NCAM1: variants seen among roughly 807,000 people sequenced by gnomAD.
NCAM1 encodes the protein neural cell adhesion molecule 1.
In NCAM1, 14 loss-of-function variants were observed where a neutral mutation model predicts 109.8. That is an observed-to-expected ratio of 0.13 (90% CI 0.08 to 0.20). The LOEUF is 0.20. Among genes scored for constraint, NCAM1 ranks in the 10% least tolerant of loss-of-function variants. NCAM1 has a pLI of 1.00. For synonymous variants in NCAM1, 418 were observed against 442.9 expected (o/e 0.94, Z 0.70); for missense variants, 774 against 1,109.9 (o/e 0.70, Z 4.30).
At chr11:113,268,811 G>A (rs1946199862) in intron 17 of NCAM1, among the ~76,000 whole-genome samples, 1 of 152,164 alleles carries the variant, frequency 6.6e-6, no homozygotes, top group South Asian at 2.1e-4. Flanking sequence ...GCTGAGCCTG[G>A]CCTGGTGCTT....
At chr11:113,174,068 G>T (rs1052636198) in intron 1 of NCAM1, among the ~76,000 whole-genome samples, 27 of 152,166 alleles carry the variant, frequency 1.8e-4, no homozygotes, top group Non-Finnish European at 3.4e-4. Context: ...GCTTTAACTA[G>T]ACAATAGATT....
intron 1 of NCAM1, among the ~76,000 whole-genome samples, 175 bp downstream of exon 1, chr11:112,961,839 T>C (rs1555063167): frequency 6.6e-6 from 1 of 152,038 alleles, no homozygotes. Context: ...CCCCGCTCCC[T>C]CCAGGGCTGC....
chr11:113,067,035 C>T (rs1937998342), intron 1 of NCAM1, among the ~76,000 whole-genome samples: 1 of 150,742 alleles, frequency 6.6e-6, no homozygotes, highest in Non-Finnish European at 1.5e-5. Flanking sequence ...ATTAGATTGC[C>T]AGAACACAAT....
chr11:113,253,449 T>C (rs569700751), intron 15 of NCAM1, among the ~76,000 whole-genome samples: 99 of 151,444 alleles, frequency 6.5e-4, no homozygotes, highest in Non-Finnish European at 1.2e-3. Flanking sequence ...TGGCTGTCAC[T>C]GTTTCACATG....
rs530829623 is a variant in NCAM1 at position 113,274,134 on chromosome 11, T to C, written c.2457-1133T>C. Reference sequence around the variant, plus strand: ...GTTATTCAGTGCCAGGCTGAGTCCCTACCAGAAAGGCACTGATGTGCAGGA... The same window carrying C: ...GTTATTCAGTGCCAGGCTGAGTCCCCACCAGAAAGGCACTGATGTGCAGGA... On this transcript the variant is annotated intron_variant, in intron 19 of 19. Coordinates refer to ENST00000316851, the MANE Select transcript of NCAM1 (RefSeq NM_181351.5). The surrounding 1 kb of genome is among the most constrained non-coding windows in gnomAD (Gnocchi z 4.1). Among the ~76,000 whole-genome samples the C allele has an allele frequency of 1.2e-4, 19 of 152,264 alleles. No homozygotes were observed. Among genetic ancestry groups the C allele is most frequent in the African/African-American group, 4.1e-4 (17 of 41,562 alleles).
Position 113,235,159 on chromosome 11 carries a change from C to T in NCAM1, c.1820C>T (p.Pro607Leu), listed in dbSNP as rs782262239. The change falls in exon 14 of 20, where the codon CCA becomes CTA. Residue 607 changes from proline (P) to leucine (L), a missense_variant. Coordinates refer to ENST00000316851, the MANE Select transcript of NCAM1 (RefSeq NM_181351.5). ...ISAASEFKTQ[P>L]VQGEPSAPKL... Reference sequence around the variant, plus strand: ...GCGGCCTCCGAGTTCAAGACGCAGCCAGTCCGTAAGTAAAGCCAGCTGCCC... The same window carrying T: ...GCGGCCTCCGAGTTCAAGACGCAGCTAGTCCGTAAGTAAAGCCAGCTGCCC... The T allele has an allele frequency of 6.2e-7, 1 of 1,613,970 alleles. No individual in the cohort carries two copies. Among genetic ancestry groups the T allele is most frequent in the Middle Eastern group, 1.6e-4 (1 of 6,062 alleles).
At chr11:113,115,492 A>G (rs1372231791) in intron 1 of NCAM1, among the ~76,000 whole-genome samples, 2 of 152,154 alleles carry the variant, frequency 1.3e-5, no homozygotes, top group African/African-American at 2.4e-5. Flanking sequence ...GAAAGAAAAT[A>G]CCCTACCCTC....
chr11:113,163,216 A>C (rs1377056813), intron 1 of NCAM1, among the ~76,000 whole-genome samples: 1 of 152,174 alleles, frequency 6.6e-6, no homozygotes, highest in African/African-American at 2.4e-5. Context: ...AATTGGAGTC[A>C]GGGTTGTAAT....
In NCAM1 at chr11:113,204,419, C is replaced by A. The variant is rs1944172679; in HGVS notation, c.261C>A (p.Asn87Lys). The A allele has an allele frequency of 6.2e-7, 1 of 1,613,900 alleles. No individual in the cohort carries two copies. Among genetic ancestry groups the A allele is most frequent in the Admixed American group, 1.7e-5 (1 of 60,016 alleles). The change falls in exon 3 of 20, where the codon AAC becomes AAA. Residue 87 changes from asparagine to lysine, a missense_variant. Around this residue, in one of 4 missense-constraint regions of NCAM1, gnomAD observed 112 missense variants for 142.0 expected, o/e 0.79. Coordinates refer to ENST00000316851, the MANE Select transcript of NCAM1 (RefSeq NM_181351.5). ...SSSTLTIYNA[N>K]IDDAGIYKCV... ...CCACCCTCACCATCTATAACGCCAACATCGACGACGCCGGCATTTACAAGT... is the reference window on the plus strand; with the variant it reads ...CCACCCTCACCATCTATAACGCCAAAATCGACGACGCCGGCATTTACAAGT...
chr11:113,256,412 A>C (rs534322631), intron 16 of NCAM1, among the ~76,000 whole-genome samples: 8 of 152,352 alleles, frequency 5.3e-5, no homozygotes, highest in African/African-American at 1.9e-4. Flanking sequence ...TTTTCTCTGC[A>C]CAAGAACCCT....
intron 1 of NCAM1, among the ~76,000 whole-genome samples, chr11:113,194,822 C>T (rs573150075): frequency 1.3e-5 from 2 of 152,174 alleles, no homozygotes; most frequent in Admixed American, 6.5e-5. Flanking sequence ...GGGCCTGTGG[C>T]GACTTTAGAC....
intron 1 of NCAM1, among the ~76,000 whole-genome samples, chr11:113,072,832 T>TC (rs1243883952): frequency 4.6e-5 from 7 of 151,764 alleles, no homozygotes; most frequent in African/African-American, 1.7e-4. Flanking sequence ...TATTTTTTTT[T>TC]TCATTTTTTT....
intron 1 of NCAM1, among the ~76,000 whole-genome samples, chr11:113,064,365 A>G (rs1937839226): frequency 6.6e-6 from 1 of 152,252 alleles, no homozygotes; most frequent in Non-Finnish European, 1.5e-5. Flanking sequence ...TCAAGAGGAC[A>G]TACTTGGGGT....
chr11:113,110,651 G>C (rs1364270789), intron 1 of NCAM1, among the ~76,000 whole-genome samples: 4 of 152,112 alleles, frequency 2.6e-5, no homozygotes. Flanking sequence ...TATTCCCAAG[G>C]TAATGATTTC....
chr11:113,061,635 C>T (rs1591292761), intron 1 of NCAM1, among the ~76,000 whole-genome samples: 1 of 152,224 alleles, frequency 6.6e-6, no homozygotes, highest in East Asian at 1.9e-4. Flanking sequence ...GGTTGGCTCG[C>T]ACATGGGACA....
At chr11:113,088,957 A>G (rs944535025) in intron 1 of NCAM1, among the ~76,000 whole-genome samples, 15 of 152,202 alleles carry the variant, frequency 9.9e-5, no homozygotes, top group African/African-American at 3.6e-4. Context: ...AAAATTAGCA[A>G]AGCAGTTGAG....
At chr11:112,966,777 G>T (rs1950738763) in intron 1 of NCAM1, among the ~76,000 whole-genome samples, 1 of 152,212 alleles carries the variant, frequency 6.6e-6, no homozygotes, top group Non-Finnish European at 1.5e-5. Flanking sequence ...GGCCTTTCAG[G>T]CAGTTTCAAT....
chr11:113,168,392 G>T (rs371771095), intron 1 of NCAM1, among the ~76,000 whole-genome samples: 213 of 152,298 alleles, frequency 1.4e-3, no homozygotes, highest in African/African-American at 5.0e-3. Context: ...ATGCTAGATG[G>T]TCGATGTCTG....
intron 1 of NCAM1, among the ~76,000 whole-genome samples, chr11:113,030,077 C>T (rs12365502): frequency 1.3e-5 from 2 of 152,000 alleles, no homozygotes; most frequent in African/African-American, 2.4e-5. Flanking sequence ...AAAAAGGGAG[C>T]ACCAGAAGCT....
Sources: allele counts gnomAD v4.1 joint callset (sites outside exome capture counted in the v4.1 genomes callset), GRCh38; gene constraint gnomAD v4.1.1; regional missense constraint gnomAD v4.1.1; non-coding constraint Gnocchi (gnomAD v3.1); transcripts MANE v1.5; gene names NCBI Gene and HGNC (gene_info 2026-07-23, HGNC 2026-07-21).